Variants in HERC1 observed in about 807,000 individuals in gnomAD.
HERC1 encodes the protein HECT and RLD domain containing E3 ubiquitin protein ligase family member 1.
A neutral mutation model predicts 554.3 loss-of-function variants in HERC1; 160 were observed. The observed-to-expected ratio is 0.29, with a 90% CI of 0.25 to 0.33. The LOEUF (loss-of-function observed/expected upper bound fraction) is 0.33. Among genes scored for constraint, HERC1 ranks in the 10% least tolerant of loss-of-function variants. The probability of loss-of-function intolerance (pLI) is 1.00; values close to 1 mark genes in which losing one functional copy is unlikely to be tolerated. For synonymous variants in HERC1, 2,175 were observed against 2,131.7 expected (o/e 1.02, Z -0.56); for missense variants, 4,919 against 5,918.5 (o/e 0.83, Z 5.54).
rs531864848 is a variant in HERC1, at chr15:63,642,874, C to G, written c.11433+83G>C. The stretch of plus-strand genomic sequence containing the variant: ...TCCCTCTGGACATCAGGTTTCTCCT[C>G]CATAAAGTGGGGTGGTTAGACTATG... On this transcript the variant is annotated intron_variant, in intron 59 of 77. Transcript: ENST00000443617. 16 of 793,850 alleles carry G rather than the reference C, an allele frequency of 2.0e-5. No individual in the cohort carries two copies. The East Asian group carries it at 3.7e-4, about 18-fold the overall frequency. 49.2% of individuals were successfully genotyped at this position (793,850 alleles called of 1,614,324 possible). A position where few individuals can be genotyped will look rare whatever the true frequency, so the allele number is the denominator to read the frequency against.
At chr15:63,700,455 T>G (rs2072654766) in intron 25 of HERC1, among the ~76,000 whole-genome samples, 1 of 151,994 alleles carries the variant, frequency 6.6e-6, no homozygotes, top group Admixed American at 6.6e-5. Flanking sequence ...ACAACAATAT[T>G]CAATGTAGAA....
intron 73 of HERC1, among the ~76,000 whole-genome samples, chr15:63,623,175 A>C (rs1269015411): frequency 1.3e-5 from 2 of 152,242 alleles, no homozygotes; most frequent in African/African-American, 4.8e-5. Flanking sequence ...GTTCAAATCG[A>C]ATCAGTAATG....
At chr15:63,687,306 G>C (rs146235072) in intron 33 of HERC1, among the ~76,000 whole-genome samples, 1 of 152,190 alleles carries the variant, frequency 6.6e-6, no homozygotes, top group African/African-American at 2.4e-5. Context: ...TTGAGAGACC[G>C]AAGCGGGCGG....
At chr15:63,764,014 A>T in intron 3 of HERC1, 82 bp downstream of exon 3, 1 of 937,896 alleles carries the variant, frequency 1.1e-6, no homozygotes, top group Non-Finnish European at 1.6e-6. Context: ...TCCAGAGAAA[A>T]TGGATTATTT....
chr15:63,615,701 C>G, intron 76 of HERC1, 67 bp downstream of exon 76: 2 of 1,338,124 alleles, frequency 1.5e-6, no homozygotes, highest in Admixed American at 2.6e-5. Context: ...TTTGGCATAC[C>G]CAGTCAGCTC....
At chr15:63,833,751 GCGCACA>G (rs1184411397) in intron 1 of HERC1, 70 bp downstream of exon 1, 20,227 of 72,204 alleles carry the variant, frequency 0.28, 1,720 homozygotes, top group Middle Eastern at 0.41. Flanking sequence ...ACACGCGCGC[GCGCACA>G]CACACACACA....
intron 10 of HERC1, among the ~76,000 whole-genome samples, chr15:63,748,992 G>C (rs1443101365): frequency 2.0e-5 from 3 of 150,400 alleles, no homozygotes; most frequent in African/African-American, 4.9e-5. Flanking sequence ...AAACCAACCA[G>C]ATTGAGAGCA....
At chr15:63,828,337 T>C (rs2078011874) in intron 1 of HERC1, among the ~76,000 whole-genome samples, 1 of 150,990 alleles carries the variant, frequency 6.6e-6, no homozygotes, top group Non-Finnish European at 1.5e-5. Context: ...TCAGTACAAC[T>C]TTTTTCCTTT....
Position 63,645,458 on chromosome 15 carries a change from G to T in HERC1, c.11078+25C>A, listed in dbSNP as rs8029051. 123,089 of 1,564,120 alleles carry T rather than the reference G, an allele frequency of 0.079. 5,517 individuals carry two copies. Among genetic ancestry groups the T allele is most frequent in the African/African-American group, 0.16 (11,893 of 73,744 alleles). ...TCTATACCAATATAAAAACTAAGAC[G>T]TATAGATGCAAATTGACAACATACG... is the stretch of plus-strand genomic sequence containing the variant. On this transcript the variant is annotated intron_variant, in intron 56 of 77. Coordinates refer to ENST00000443617, the MANE Select transcript of HERC1 (RefSeq NM_003922.4).
intron 12 of HERC1, among the ~76,000 whole-genome samples, chr15:63,746,156 T>C (rs1216008299): frequency 6.6e-6 from 1 of 152,070 alleles, no homozygotes; most frequent in Non-Finnish European, 1.5e-5. Flanking sequence ...TTAATATAGA[T>C]GTTTATAAGC....
At chr15:63,716,921 A>AT (rs1376289645) in intron 21 of HERC1, among the ~76,000 whole-genome samples, 2 of 151,980 alleles carry the variant, frequency 1.3e-5, no homozygotes, top group East Asian at 3.8e-4. Context: ...ATTGGTTTTA[A>AT]TTTTTTTTCT....
chr15:63,778,473 G>A (rs1304919663), intron 1 of HERC1, among the ~76,000 whole-genome samples: 1 of 152,136 alleles, frequency 6.6e-6, no homozygotes, highest in East Asian at 1.9e-4. Context: ...TTGTTGAAAC[G>A]CAGAGGAAAG....
At chr15:63,804,852 G>A (rs2077092605) in intron 1 of HERC1, among the ~76,000 whole-genome samples, 1 of 152,158 alleles carries the variant, frequency 6.6e-6, no homozygotes, top group African/African-American at 2.4e-5. Flanking sequence ...AACACCATTA[G>A]TCAGTAGGGA....
intron 3 of HERC1, among the ~76,000 whole-genome samples, chr15:63,762,938 C>T (rs2075658312): frequency 6.6e-6 from 1 of 152,188 alleles, no homozygotes; most frequent in South Asian, 2.1e-4. Context: ...CCCATTATCT[C>T]AAGTAGCAGA....
intron 39 of HERC1, 86 bp downstream of exon 39, chr15:63,672,410 G>T: frequency 6.9e-6 from 6 of 865,978 alleles, no homozygotes; most frequent in Non-Finnish European, 1.0e-5. Context: ...CCAAGATTCA[G>T]TTGGGCATAC....
chr15:63,645,959 A>G (rs1017012994), intron 55 of HERC1, among the ~76,000 whole-genome samples: 2 of 152,168 alleles, frequency 1.3e-5, no homozygotes, highest in Non-Finnish European at 2.9e-5. Flanking sequence ...CTCAAAAGGG[A>G]TATGTTATCT....
rs776752025 is a variant in HERC1, at chr15:63,666,313, C to T, written c.8323+43G>A. On this transcript the variant is annotated intron_variant, in intron 41 of 77. Transcript: ENST00000443617. ...TTATGTTGTCTTTAATAAGCTAGGA[C>T]TTCTCATATCTGTATACACTGATAT... 3 of 1,446,200 alleles carry T rather than the reference C, an allele frequency of 2.1e-6. No homozygotes were observed. The East Asian group carries it at 6.8e-5, about 33-fold the overall frequency. 89.6% of individuals were successfully genotyped at this position (1,446,200 alleles called of 1,614,324 possible). A position where few individuals can be genotyped will look rare whatever the true frequency, so the allele number is the denominator to read the frequency against.
intron 41 of HERC1, 103 bp from the exon 42 acceptor site, chr15:63,666,253 T>C: frequency 1.5e-6 from 2 of 1,378,480 alleles, no homozygotes; most frequent in South Asian, 1.3e-5. Flanking sequence ...AATATAGTGT[T>C]AAAAATCTTA....
chr15:63,741,263 G>A (rs1381293785), intron 12 of HERC1, among the ~76,000 whole-genome samples: 2 of 151,544 alleles, frequency 1.3e-5, no homozygotes, highest in Admixed American at 6.6e-5. Context: ...TCCTGACCTC[G>A]TGATCCACCC....
Sources: gnomAD v4.1 joint callset for allele counts (sites outside exome capture counted in the v4.1 genomes callset) on GRCh38, gnomAD v4.1.1 for gene constraint, MANE v1.5 for transcripts, NCBI Gene and HGNC (gene_info 2026-07-23, HGNC 2026-07-21) for gene names.